FCHSD1: variants seen among roughly 807,000 people sequenced by gnomAD.
FCHSD1 encodes FCH and double SH3 domains 1.
In FCHSD1, 109 loss-of-function variants were observed where a neutral mutation model predicts 101.3. The observed-to-expected ratio is 1.08, with a 90% CI of 0.92 to 1.26. The LOEUF (loss-of-function observed/expected upper bound fraction) is 1.26, where lower values mean the gene tolerates loss of function less well. Ranked by LOEUF, FCHSD1 falls within the 50% of genes most tolerant of loss-of-function variation. The pLI, the probability that FCHSD1 is intolerant of heterozygous loss-of-function variation, is 0.00. For missense variants in FCHSD1, 820 were observed against 895.8 expected (o/e 0.92, Z 1.08); for synonymous variants, 291 against 356.8 (o/e 0.82, Z 2.08).
At position 141,644,410 on chromosome 5, in the gene FCHSD1, G is replaced by A; in HGVS notation, c.1671C>T (p.Tyr557=). 6.2e-7 allele frequency: 1 copy of A among 1,613,934 alleles called. No individual in the cohort carries two copies. The highest frequency in any genetic ancestry group is 8.5e-7 in the Non-Finnish European group (1 of 1,179,856). The stretch of plus-strand genomic sequence containing the variant: ...TCAGCTCCTCTGCACTCTGTCCGGT[G>A]TAGCTGTACAGGGCCTGTGCCAGGA... ...TAFLAQALYS[Y]TGQSAEELSF... is the part of the protein sequence containing the mutation. The change falls in exon 17 of 20, where the codon TAC becomes TAT. Residue 557 remains tyrosine, a synonymous_variant. Transcript: ENST00000435817.
chr5:141,642,157 C>G (rs2099906998), intron 18 of FCHSD1: 2 of 511,866 alleles, frequency 3.9e-6, no homozygotes, highest in South Asian at 5.1e-5. Flanking sequence ...AAAAGGCAGG[C>G]ATTCCACAGC....
rs533515996 is a variant in FCHSD1 at position 141,640,884 on chromosome 5, G to A, written c.*614C>T. 7.7e-5 allele frequency: 45 copies of A among 584,882 alleles called. No homozygotes were observed. The East Asian group carries it at 1.1e-3, about 14-fold the overall frequency. 36.2% of individuals were successfully genotyped at this position (584,882 alleles called of 1,614,324 possible). The stretch of plus-strand genomic sequence containing the variant: ...CTGCCTGCAACAGGCTGCCTGCCCC[G>A]CCTTCCCCAACACCTCGCTCCATAT... On this transcript the variant is annotated 3_prime_UTR_variant, in exon 20 of 20. Transcript: ENST00000435817.
In FCHSD1 at chr5:141,642,834, A is replaced by G. The variant is rs2099907117; in HGVS notation, c.1951+167T>C. 1.3e-5 allele frequency: 8 copies of G among 608,774 alleles called. No homozygotes were observed. In the South Asian group the frequency reaches 1.6e-4, roughly 12 times the overall value. The allele number at this position is 608,774 out of a possible 1,614,324, so 37.7% of individuals were successfully genotyped here. On this transcript the variant is annotated intron_variant, in intron 18 of 19. Transcript: ENST00000435817. Reference sequence around the variant, plus strand: ...ATCCCACCACACACTTGGAGATGACAGAGCGGGACCTGAACCAGTCAGCCT... The same window carrying G: ...ATCCCACCACACACTTGGAGATGACGGAGCGGGACCTGAACCAGTCAGCCT...
intron 12 of FCHSD1, 32 bp downstream of exon 12, chr5:141,646,055 G>A: frequency 6.3e-7 from 1 of 1,585,370 alleles, no homozygotes; most frequent in Non-Finnish European, 8.6e-7. Flanking sequence ...GCCTGAGAAG[G>A]TGGGATCTCT....
Position 141,644,539 on chromosome 5 carries a change from C to A in FCHSD1, c.1642+34G>T, listed in dbSNP as rs777093168. ...ACCCCTAACAATTTTTCTCCATACC[C>A]AGGGTCCTCTAACCCAAAATTTCCC... is the stretch of plus-strand genomic sequence containing the variant. On this transcript the variant is annotated intron_variant, in intron 16 of 19. Coordinates refer to ENST00000435817, the MANE Select transcript of FCHSD1 (RefSeq NM_033449.3). 6 of 1,611,690 alleles carry A rather than the reference C, an allele frequency of 3.7e-6. No individual in the cohort carries two copies. In the African/African-American group the frequency reaches 8.0e-5, roughly 22 times the overall value.
At chr5:141,643,303 C>G (rs2099907204) in intron 17 of FCHSD1, among the ~76,000 whole-genome samples, 1 of 152,080 alleles carries the variant, frequency 6.6e-6, no homozygotes, top group Non-Finnish European at 1.5e-5. Context: ...TCTGCTAGCA[C>G]TTCACGTGTA....
chr5:141,648,097 C>T lies in FCHSD1; in HGVS notation c.577-1G>A, dbSNP rs1451371783. On this transcript the variant is annotated splice_acceptor_variant, in intron 7 of 19. Coordinates refer to ENST00000435817, the MANE Select transcript of FCHSD1 (RefSeq NM_033449.3). LOFTEE classifies it high-confidence loss of function. ...AGTACTGGGCTGACTGGGCGGACAG[C>T]TAGGAGGGTAAACTGATGTCAATAG... The T allele has an allele frequency of 3.7e-6, 6 of 1,608,434 alleles. No individual in the cohort carries two copies. Among genetic ancestry groups the T allele is most frequent in the Non-Finnish European group, 5.1e-6 (6 of 1,176,078 alleles).
Position 141,639,673 on chromosome 5 carries a change from G to C in FCHSD1, c.*1825C>G, listed in dbSNP as rs770128553. On this transcript the variant is annotated 3_prime_UTR_variant, in exon 20 of 20. Transcript: ENST00000435817. This position sits in a 1 kb window ranked among gnomAD's most constrained non-coding sequence, Gnocchi z 4.4. ...AGGTGGGGCAGGTGCTCCAGGGAAA[G>C]GGGGGCTGAGGTAGGGGGCCCAGTG... 1.9e-6 allele frequency: 3 copies of C among 1,579,100 alleles called. No homozygotes were observed. The highest frequency in any genetic ancestry group is 2.6e-6 in the Non-Finnish European group (3 of 1,161,834).
chr5:141,651,326 C>A (rs1333505826), intron 1 of FCHSD1, 22 bp downstream of exon 1: 2 of 1,553,380 alleles, frequency 1.3e-6, no homozygotes, highest in South Asian at 1.2e-5. Context: ...CGCCAGGAGT[C>A]CCCATTCAGG....
At position 141,646,591 on chromosome 5, in the gene FCHSD1, C is replaced by G. The variant is rs775689075; in HGVS notation, c.1044+12G>C. ...AGAAGGTGCACATGACACCTGTGCC[C>G]CCCCACCTCACCCGATGCCCATGGT... On this transcript the variant is annotated intron_variant, in intron 11 of 19. Transcript: ENST00000435817. The G allele has an allele frequency of 6.2e-7, 1 of 1,608,526 alleles. No individual in the cohort carries two copies. Among genetic ancestry groups the G allele is most frequent in the East Asian group, 2.2e-5 (1 of 44,772 alleles).
chr5:141,642,435 A>G (rs1478597496), intron 18 of FCHSD1: 2 of 690,864 alleles, frequency 2.9e-6, no homozygotes, highest in Admixed American at 2.1e-5. Flanking sequence ...TTACAGGTAC[A>G]CTAGAAGCCC....
At position 141,647,419 on chromosome 5, in the gene FCHSD1, G is replaced by A. The variant is rs374774314; in HGVS notation, c.807C>T (p.Arg269=). The part of the protein sequence containing the change: ...AAEVILEHAH[R]GEQTTSQVSW... The stretch of plus-strand genomic sequence containing the variant: ...TCACCTGGGAGGTTGTCTGCTCCCC[G>A]CGGTGGGCATGCTCCAGGATGACCT... Residue 269 remains arginine, a synonymous_variant, in exon 9 of 20, where the codon CGC becomes CGT. Coordinates refer to ENST00000435817, the MANE Select transcript of FCHSD1 (RefSeq NM_033449.3). 2.0e-5 allele frequency: 32 copies of A among 1,602,070 alleles called. No individual in the cohort carries two copies. The highest frequency in any genetic ancestry group is 1.7e-4 in the African/African-American group (13 of 74,438).
At chr5:141,642,266 G>A (rs1014970212) in intron 18 of FCHSD1, 3 of 561,120 alleles carry the variant, frequency 5.3e-6, no homozygotes, top group Non-Finnish European at 9.3e-6. Flanking sequence ...ACCAAATATT[G>A]CATGTTCTCA....
Position 141,646,608 on chromosome 5 carries a change from G to A in FCHSD1, c.1039C>T (p.His347Tyr). 6 of 1,612,342 alleles carry A rather than the reference G, an allele frequency of 3.7e-6. No homozygotes were observed. The highest frequency in any genetic ancestry group is 5.1e-6 in the Non-Finnish European group (6 of 1,179,308). Residue 347 changes from histidine (H) to tyrosine (Y), a missense_variant, in exon 11 of 20, where the codon CAT becomes TAT. Transcript: ENST00000435817. ...CCTGTGCCCCCCCACCTCACCCGAT[G>A]CCCATGGTTCTGGATCTTGTAGTCA... ...ARDYKIQNHG[H>Y]RVLQRLEQRR...
Position 141,639,672 on chromosome 5 carries a change from A to AG in FCHSD1, c.*1825dup, listed in dbSNP as rs1340713926. Reference sequence around the variant, plus strand: ...CAGGTGGGGCAGGTGCTCCAGGGAAAGGGGGGCTGAGGTAGGGGGCCCAGT... The same window carrying AG: ...CAGGTGGGGCAGGTGCTCCAGGGAAAGGGGGGGCTGAGGTAGGGGGCCCAGT... On this transcript the variant is annotated 3_prime_UTR_variant, in exon 20 of 20. Transcript: ENST00000435817. The surrounding 1 kb of genome is among the most constrained non-coding windows in gnomAD (Gnocchi z 4.4). The AG allele has an allele frequency of 1.9e-6, 3 of 1,578,842 alleles. No homozygotes were observed. Among genetic ancestry groups the AG allele is most frequent in the Admixed American group, 1.8e-5 (1 of 55,218 alleles).
chr5:141,650,487 G>C, intron 2 of FCHSD1, 83 bp from the exon 3 acceptor site: 1 of 1,578,658 alleles, frequency 6.3e-7, no homozygotes, highest in Admixed American at 1.7e-5. Context: ...CTCTACTCTG[G>C]GCAGGAGGGA....
chr5:141,642,684 C>T (rs2099907088), intron 18 of FCHSD1: 2 of 547,092 alleles, frequency 3.7e-6, no homozygotes, highest in African/African-American at 2.0e-5. Context: ...TGCATACTTA[C>T]TGTGTGCCAG....
In FCHSD1 at chr5:141,646,109, C is replaced by T. The variant is rs372639731; in HGVS notation, c.1127G>A (p.Arg376Gln). Residue 376 changes from arginine to glutamine, a missense_variant, in exon 12 of 20, where the codon CGA becomes CAA. By Grantham distance (43) the Arg-to-Gln change is conservative. Transcript: ENST00000435817. ...PSIEQRLQEVRESIRRAQVSQ... is the reference protein window; with the variant it reads ...PSIEQRLQEVQESIRRAQVSQ... ...CACCTGTGCCCGGCGGATGCTCTCT[C>T]GCACTTCCTGTAACCTCTGTTCTAT... The T allele has an allele frequency of 3.8e-5, 62 of 1,611,860 alleles. No individual in the cohort carries two copies. The Middle Eastern group carries it at 5.3e-4, about 14-fold the overall frequency.
chr5:141,640,350 TGG>T lies in FCHSD1; in HGVS notation c.*1146_*1147del. On this transcript the variant is annotated 3_prime_UTR_variant, in exon 20 of 20. Coordinates refer to ENST00000435817, the MANE Select transcript of FCHSD1 (RefSeq NM_033449.3). ...GCTGGGCTCTTATTGCTCTCTACTC[TGG>T]GGGGCACTGATAGGACCTACTCCTG... 1 of 1,613,984 alleles carries T rather than the reference TGG, an allele frequency of 6.2e-7. No homozygotes were observed. The highest frequency in any genetic ancestry group is 1.1e-5 in the South Asian group (1 of 91,070).
Sources: gnomAD v4.1 joint callset for allele counts (sites outside exome capture counted in the v4.1 genomes callset) on GRCh38, gnomAD v4.1.1 for gene constraint, Gnocchi (gnomAD v3.1) non-coding constraint, MANE v1.5 for transcripts, NCBI Gene and HGNC (gene_info 2026-07-23, HGNC 2026-07-21) for gene names.